DPP3: variants seen among roughly 807,000 people sequenced by gnomAD.
DPP3 encodes the protein dipeptidyl peptidase 3.
Under a neutral mutation model 89.8 loss-of-function variants are expected in DPP3, and 64 were observed. That is an observed-to-expected ratio of 0.71 (90% confidence interval 0.58 to 0.88). The LOEUF (loss-of-function observed/expected upper bound fraction) is 0.88, where lower values mean the gene tolerates loss of function less well. Among genes scored for constraint, DPP3 ranks in the 40% least tolerant of loss-of-function variants. The pLI is 0.00. For synonymous variants in DPP3, 377 were observed against 404.3 expected, an observed-to-expected ratio of 0.93 and a Z score of 0.81; for missense variants, 835 against 972.5, an observed-to-expected ratio of 0.86 and a Z score of 1.88.
At chr11:66,501,915 C>T (rs537630782) in intron 16 of DPP3, among the ~76,000 whole-genome samples, 2 of 151,178 alleles carry the variant, frequency 1.3e-5, no homozygotes, top group South Asian at 2.1e-4. Flanking sequence ...ACTACAATAT[C>T]GGCTGGGCAC....
chr11:66,481,941 C>G (rs1358367665), intron 1 of DPP3: 2 of 538,306 alleles, frequency 3.7e-6, no homozygotes, highest in Non-Finnish European at 6.6e-6. Flanking sequence ...AGCCACCATG[C>G]CTGACCTTAG....
At position 66,492,735 on chromosome 11, in the gene DPP3, C is replaced by A; in HGVS notation, c.1008C>A (p.Asn336Lys). ...GEFEGFVAVVNKAMSAKFERL... is the reference protein window; with the variant it reads ...GEFEGFVAVVKKAMSAKFERL... ...CTGCAGGTTTCGTAGCTGTGGTGAA[C>A]AAGGCCATGAGTGCCAAGTTTGAGC... The change falls in exon 10 of 18, where the codon AAC (asparagine) becomes AAA (lysine). Residue 336 changes from asparagine to lysine, a missense_variant. Physicochemically the swap from Asn to Lys is moderately conservative, Grantham distance 94. Transcript: ENST00000531863. 1 of 1,603,470 alleles carries A rather than the reference C, an allele frequency of 6.2e-7. No individual in the cohort carries two copies. Among genetic ancestry groups the A allele is most frequent in the Non-Finnish European group, 8.5e-7 (1 of 1,175,396 alleles).
chr11:66,493,934 G>A (rs1855463674), intron 12 of DPP3, among the ~76,000 whole-genome samples: 2 of 152,114 alleles, frequency 1.3e-5, no homozygotes, highest in Admixed American at 1.3e-4. Flanking sequence ...GCTGTTCCCC[G>A]CACCAGGAGG....
At chr11:66,499,182 G>A (rs1855619380) in intron 16 of DPP3, among the ~76,000 whole-genome samples, 1 of 152,054 alleles carries the variant, frequency 6.6e-6, no homozygotes, top group Non-Finnish European at 1.5e-5. Context: ...CCAACATGGT[G>A]AAACCCCATC....
At chr11:66,495,074 C>T in intron 12 of DPP3, 132 bp from the exon 13 acceptor site, 1 of 1,277,804 alleles carries the variant, frequency 7.8e-7, no homozygotes, top group Non-Finnish European at 1.1e-6. Context: ...TGTGGACAGA[C>T]CTGCTGCTCC....
chr11:66,506,802 T>C (rs1830344056), intron 17 of DPP3, among the ~76,000 whole-genome samples: 1 of 152,158 alleles, frequency 6.6e-6, no homozygotes, highest in African/African-American at 2.4e-5. Context: ...CTTTTTGTCC[T>C]TCCGCTCCTT....
At chr11:66,485,053 C>G in intron 2 of DPP3, 120 bp from the exon 3 acceptor site, 1 of 952,848 alleles carries the variant, frequency 1.0e-6, no homozygotes, top group Non-Finnish European at 1.6e-6. Context: ...AGGTCCTGCC[C>G]ACACATTTCC....
At position 66,500,328 on chromosome 11, in the gene DPP3, C is replaced by T. The variant is rs78520846; in HGVS notation, c.1878+2851C>T. Among the ~76,000 whole-genome samples the T allele has an allele frequency of 9.6e-4, 146 of 152,032 alleles. 2 individuals carry two copies. In the East Asian group the frequency reaches 0.021, roughly 22 times the overall value. On this transcript the variant is annotated intron_variant, in intron 16 of 17. Coordinates refer to ENST00000531863, the MANE Select transcript of DPP3 (RefSeq NM_130443.4). ...AAGATCATGCCACTGCACTCCATCG[C>T]GGGCAATACAGCAAGACTCCATTTC...
At chr11:66,482,577 AG>A in intron 2 of DPP3, 107 bp downstream of exon 2, 1 of 1,482,042 alleles carries the variant, frequency 6.7e-7, no homozygotes, top group East Asian at 2.3e-5. Context: ...ATTAGACCAA[AG>A]GTTACAAATT....
Position 66,505,584 on chromosome 11 carries a change from G to A in DPP3, c.2041+810G>A, listed in dbSNP as rs574477535. ...TTAAATCCTTGCAGTAGCCCAATAA[G>A]GTAGGTATTGTTGTTATCCCCATTT... is the stretch of plus-strand genomic sequence containing the variant. On this transcript the variant is annotated intron_variant, in intron 17 of 17. Transcript: ENST00000531863. Among the ~76,000 whole-genome samples, 46 of 152,276 alleles carry A rather than the reference G, an allele frequency of 3.0e-4. 2 individuals are homozygous for A. In the South Asian group the frequency reaches 9.3e-3, roughly 31 times the overall value.
chr11:66,497,957 C>T (rs1256794284), intron 16 of DPP3, among the ~76,000 whole-genome samples: 1 of 151,932 alleles, frequency 6.6e-6, no homozygotes, highest in Non-Finnish European at 1.5e-5. Context: ...ATTTATTAGA[C>T]AGAGTTTTGC....
intron 3 of DPP3, 60 bp from the exon 4 acceptor site, chr11:66,486,480 A>G: frequency 7.0e-7 from 1 of 1,431,442 alleles, no homozygotes; most frequent in Non-Finnish European, 9.2e-7. Context: ...GTGGGTAGGG[A>G]GGCTCTGGAA....
chr11:66,497,246 G>A, intron 15 of DPP3, 52 bp from the exon 16 acceptor site: 2 of 1,583,794 alleles, frequency 1.3e-6, no homozygotes, highest in Non-Finnish European at 1.7e-6. Context: ...CCAAGCCTAG[G>A]ACCAAGCACT....
intron 17 of DPP3, among the ~76,000 whole-genome samples, chr11:66,507,194 G>A (rs1176628465): frequency 1.3e-5 from 2 of 152,036 alleles, no homozygotes; most frequent in South Asian, 2.1e-4. Flanking sequence ...GGGGCCGGGC[G>A]CGGTGACTCA....
At chr11:66,503,102 G>A (rs1855720077) in intron 16 of DPP3, among the ~76,000 whole-genome samples, 1 of 151,946 alleles carries the variant, frequency 6.6e-6, no homozygotes, top group Non-Finnish European at 1.5e-5. Flanking sequence ...CTGAATAGCT[G>A]GGACTACAGG....
intron 6 of DPP3, among the ~76,000 whole-genome samples, chr11:66,490,890 C>A (rs947572912): frequency 6.6e-6 from 1 of 151,754 alleles, no homozygotes; most frequent in Non-Finnish European, 1.5e-5. Context: ...TTGCCTCAGC[C>A]TCCCGAGTAG....
Position 66,493,633 on chromosome 11 carries a change from G to A in DPP3, c.1389G>A (p.Gln463=). Residue 463 remains glutamine (Q), a splice_region_variant and synonymous_variant, in exon 12 of 18, where the codon CAG becomes CAA. Transcript: ENST00000531863. ...LGHGSGKLFV[Q]DEKGAFNFDQ... The stretch of plus-strand genomic sequence containing the variant: ...ATGGCAGTGGCAAGCTCTTCGTACA[G>A]GTGAGAAGGCAGTGGCCAGCCCTGG... 6.2e-7 allele frequency: 1 copy of A among 1,610,020 alleles called. No individual in the cohort carries two copies. Among genetic ancestry groups the A allele is most frequent in the Non-Finnish European group, 8.5e-7 (1 of 1,178,722 alleles).
chr11:66,498,852 A>G (rs1473185127), intron 16 of DPP3, among the ~76,000 whole-genome samples: 1 of 152,070 alleles, frequency 6.6e-6, no homozygotes, highest in Non-Finnish European at 1.5e-5. Flanking sequence ...ATCTCTACAA[A>G]AAATTTTAAA....
Position 66,504,702 on chromosome 11 carries a change from A to G in DPP3, c.1969A>G (p.Thr657Ala). 6 of 1,612,810 alleles carry G rather than the reference A, an allele frequency of 3.7e-6. No individual in the cohort carries two copies. Among genetic ancestry groups the G allele is most frequent in the Non-Finnish European group, 5.1e-6 (6 of 1,179,702 alleles). ...TGATGCGCCCCCCGAGTGCTTCCTC[A>G]CCCTCAGGGACACGGTGCTGCTGCG... ...VTDAPPECFL[T>A]LRDTVLLRKE... Residue 657 changes from threonine (T) to alanine (A), a missense_variant, in exon 17 of 18, where the codon ACC becomes GCC. Thr to Ala is a moderately conservative substitution (Grantham distance 58). Coordinates refer to ENST00000531863, the MANE Select transcript of DPP3 (RefSeq NM_130443.4).
Sources: allele counts gnomAD v4.1 joint callset (sites outside exome capture counted in the v4.1 genomes callset), GRCh38; gene constraint gnomAD v4.1.1; transcripts MANE v1.5; gene names NCBI Gene and HGNC (gene_info 2026-07-23, HGNC 2026-07-21).